Variants in MBD5 observed in about 807,000 individuals in gnomAD.
MBD5 encodes methyl-CpG binding domain protein 5, also known as methyl-CpG-binding domain protein 5.
MBD5 carries 13 observed loss-of-function variants against 117.3 expected under a neutral mutation model. The observed-to-expected ratio is 0.11, with a 90% confidence interval of 0.07 to 0.18. MBD5 has a LOEUF of 0.18. Among genes scored for constraint, MBD5 ranks in the 10% least tolerant of loss-of-function variants. MBD5 has a pLI of 1.00. For synonymous variants in MBD5, 727 were observed against 766.4 expected (o/e 0.95, Z 0.85); for missense variants, 1,879 against 2,093.8 (o/e 0.90, Z 2.00).
At chr2:148,239,995 A>T (rs575379032) in intron 3 of MBD5, among the ~76,000 whole-genome samples, 1 of 152,348 alleles carries the variant, frequency 6.6e-6, no homozygotes, top group East Asian at 1.9e-4. Context: ...TATTCACAAT[A>T]GCAAAGACTT....
At chr2:148,298,840 A>T (rs1002524118) in intron 3 of MBD5, among the ~76,000 whole-genome samples, 1 of 152,220 alleles carries the variant, frequency 6.6e-6, no homozygotes, top group African/African-American at 2.4e-5. Flanking sequence ...AATAGGCACA[A>T]CCTAACCTAA....
chr2:148,119,577 C>A (rs1696718659), intron 1 of MBD5, among the ~76,000 whole-genome samples: 1 of 152,166 alleles, frequency 6.6e-6, no homozygotes, highest in Middle Eastern at 3.4e-3. Context: ...GAGTTCTTTG[C>A]CTAACCTAAG....
intron 2 of MBD5, among the ~76,000 whole-genome samples, chr2:148,227,131 G>A (rs1699850392): frequency 6.6e-6 from 1 of 152,134 alleles, no homozygotes; most frequent in African/African-American, 2.4e-5. Context: ...GATCCCATTT[G>A]TCAATTTTGG....
intron 2 of MBD5, among the ~76,000 whole-genome samples, chr2:148,229,498 C>A (rs1346332934): frequency 6.6e-6 from 1 of 152,080 alleles, no homozygotes; most frequent in Non-Finnish European, 1.5e-5. Context: ...GTCCCTGGTG[C>A]CTTATCTATT....
intron 4 of MBD5, among the ~76,000 whole-genome samples, chr2:148,413,648 A>G (rs375123836): frequency 1.3e-5 from 2 of 151,334 alleles, no homozygotes; most frequent in Admixed American, 1.3e-4. Context: ...TCAATTTCAG[A>G]ACTCATTATT....
At chr2:148,104,162 TCA>T (rs1222750069) in intron 1 of MBD5, among the ~76,000 whole-genome samples, 2 of 152,190 alleles carry the variant, frequency 1.3e-5, no homozygotes, top group Non-Finnish European at 2.9e-5. Context: ...CTTGCTTCTG[TCA>T]TGGTACATCT....
At chr2:148,467,986 G>A (rs1304305914) in intron 7 of MBD5, among the ~76,000 whole-genome samples, 2 of 152,028 alleles carry the variant, frequency 1.3e-5, no homozygotes, top group Non-Finnish European at 2.9e-5. Flanking sequence ...CATCTGGACT[G>A]CCAGTCTTGA....
At chr2:148,024,859 G>GGTGCAATAGGTTGTTGGAATGATTA (rs1558891491) in intron 1 of MBD5, 3 of 152,088 alleles carry the variant, frequency 2.0e-5, no homozygotes, top group Non-Finnish European at 4.4e-5. Context: ...TTCATTGACC[G>GGTGCAATAGGTTGTTGGAATGATTA]GTGCAATAGG....
chr2:148,130,871 T>C (rs549962607), intron 1 of MBD5, among the ~76,000 whole-genome samples: 1 of 152,312 alleles, frequency 6.6e-6, no homozygotes, highest in South Asian at 2.1e-4. Flanking sequence ...GGAGACTAGC[T>C]AATATGTAAT....
intron 3 of MBD5, among the ~76,000 whole-genome samples, chr2:148,273,578 G>A (rs1701034832): frequency 6.6e-6 from 1 of 151,988 alleles, no homozygotes; most frequent in African/African-American, 2.4e-5. Context: ...AATAGAAACA[G>A]TGCAAGAATA....
intron 2 of MBD5, among the ~76,000 whole-genome samples, chr2:148,185,697 T>A (rs994687627): frequency 7.9e-5 from 12 of 151,732 alleles, no homozygotes; most frequent in African/African-American, 2.9e-4. Context: ...AGCTAAGGAG[T>A]TCAAGACCAG....
intron 3 of MBD5, among the ~76,000 whole-genome samples, chr2:148,288,410 A>AAAAAAAAAAAAAAAAAAAAAAG (rs1367731540): frequency 2.1e-5 from 3 of 140,490 alleles, no homozygotes; most frequent in African/African-American, 8.0e-5. Context: ...AAAAAAAAAA[A>AAAAAAAAAAAAAAAAAAAAAAG]AAAAGTGATT....
chr2:148,409,793 T>A (rs1705197867), intron 4 of MBD5, among the ~76,000 whole-genome samples: 1 of 152,176 alleles, frequency 6.6e-6, no homozygotes, highest in African/African-American at 2.4e-5. Context: ...GATATTTAAA[T>A]GTCAATAGTT....
chr2:148,240,622 T>C (rs1256733673), intron 3 of MBD5, among the ~76,000 whole-genome samples: 1 of 152,214 alleles, frequency 6.6e-6, no homozygotes, highest in Non-Finnish European at 1.5e-5. Context: ...CTCTTTCTAA[T>C]CATTACTACA....
At chr2:148,102,700 TCACACACACACACACA>T (rs72105542) in intron 1 of MBD5, among the ~76,000 whole-genome samples, 3 of 131,826 alleles carry the variant, frequency 2.3e-5, no homozygotes, top group Non-Finnish European at 4.7e-5. Context: ...GAGAGAGAGA[TCACACACACACACACA>T]CACACACACA....
chr2:148,318,729 T>G (rs928823065), intron 3 of MBD5, among the ~76,000 whole-genome samples: 1 of 152,078 alleles, frequency 6.6e-6, no homozygotes, highest in African/African-American at 2.4e-5. Context: ...GTATTTTGGT[T>G]TCTTCTTGAG....
chr2:148,440,238 G>T (rs1455699261), intron 4 of MBD5, among the ~76,000 whole-genome samples: 1 of 152,142 alleles, frequency 6.6e-6, no homozygotes, highest in African/African-American at 2.4e-5. Context: ...GTTTAAATGT[G>T]TCTTGCTCAA....
At chr2:148,394,230 C>T (rs904279308) in intron 4 of MBD5, among the ~76,000 whole-genome samples, 2 of 152,170 alleles carry the variant, frequency 1.3e-5, no homozygotes, top group Admixed American at 6.5e-5. Context: ...ACTTGAGTAG[C>T]TTTTGCTCTT....
intron 2 of MBD5, among the ~76,000 whole-genome samples, chr2:148,219,191 A>G (rs1301537406): frequency 1.3e-5 from 2 of 152,146 alleles, no homozygotes; most frequent in African/African-American, 2.4e-5. Flanking sequence ...TAAGACACAA[A>G]CACACACATT....
Sources: allele counts gnomAD v4.1 joint callset (sites outside exome capture counted in the v4.1 genomes callset), GRCh38; gene constraint gnomAD v4.1.1; transcripts MANE v1.5; gene names NCBI Gene and HGNC (gene_info 2026-07-23, HGNC 2026-07-21).